Variants in PHF24 observed in about 807,000 individuals in gnomAD.
The protein encoded by PHF24 is Galpha inhibitory interacting protein.
PHF24 carries 25 observed loss-of-function variants against 42.6 expected under a neutral mutation model. The ratio of observed to expected loss-of-function variants is 0.59; its 90% CI spans 0.43 to 0.82. The LOEUF (loss-of-function observed/expected upper bound fraction) is 0.82. Ranked by LOEUF, PHF24 falls within the 40% of genes least tolerant of loss-of-function variation. PHF24 has a pLI of 0.00. For synonymous variants in PHF24, 185 were observed against 204.8 expected (o/e 0.90, Z 0.83); for missense variants, 470 against 538.1 (o/e 0.87, Z 1.25).
At chr9:34,900,302 A>G in the PHF24 span, among the ~76,000 whole-genome samples, 1 of 152,224 alleles carries the variant, frequency 6.6e-6, no homozygotes, top group South Asian at 2.1e-4. Context: ...TTAAAGGACA[A>G]TCAATTAATG....
the PHF24 span, among the ~76,000 whole-genome samples, chr9:34,949,432 CAG>C: frequency 6.6e-6 from 1 of 152,188 alleles, no homozygotes; most frequent in African/African-American, 2.4e-5. Flanking sequence ...CTGTGGAAGA[CAG>C]TGTGCTGATT....
At chr9:34,694,433 C>T in the PHF24 span, among the ~76,000 whole-genome samples, 32 of 151,952 alleles carry the variant, frequency 2.1e-4, no homozygotes, top group South Asian at 2.3e-3. Flanking sequence ...TGGGTTCAAG[C>T]GATTCTGCTG....
At chr9:34,862,346 C>T in the PHF24 span, among the ~76,000 whole-genome samples, 3 of 152,108 alleles carry the variant, frequency 2.0e-5, no homozygotes, top group Non-Finnish European at 2.9e-5. Flanking sequence ...CTTGCACCAC[C>T]CCTCCACAAC....
At chr9:34,810,618 TCTGA>T in the PHF24 span, among the ~76,000 whole-genome samples, 1 of 152,176 alleles carries the variant, frequency 6.6e-6, no homozygotes, top group South Asian at 2.1e-4. Context: ...GGAAGCAACC[TCTGA>T]CTGGGGAGGG....
At chr9:34,936,770 G>A in the PHF24 span, among the ~76,000 whole-genome samples, 1 of 150,968 alleles carries the variant, frequency 6.6e-6, no homozygotes, top group Admixed American at 6.6e-5. Context: ...GACCCCGTCT[G>A]GGAGGTGAGG....
chr9:34,917,123 C>A, the PHF24 span: 1 of 841,896 alleles, frequency 1.2e-6, no homozygotes, highest in South Asian at 1.3e-5. Flanking sequence ...ACCTCGCTCT[C>A]GCGGCCTACC....
At chr9:34,935,353 G>A in the PHF24 span, among the ~76,000 whole-genome samples, 1 of 152,172 alleles carries the variant, frequency 6.6e-6, no homozygotes, top group Non-Finnish European at 1.5e-5. Flanking sequence ...CAGCACTCTG[G>A]GAGGCTGAGG....
the PHF24 span, among the ~76,000 whole-genome samples, chr9:34,686,091 C>A: frequency 6.6e-6 from 1 of 152,218 alleles, no homozygotes; most frequent in Non-Finnish European, 1.5e-5. Context: ...TTAGCTAATA[C>A]TCAGAGCCAT....
the PHF24 span, among the ~76,000 whole-genome samples, chr9:34,704,889 T>G: frequency 1.3e-5 from 2 of 152,196 alleles, no homozygotes; most frequent in East Asian, 1.9e-4. Context: ...ATTTTCTGGA[T>G]GACACTGAGG....
chr9:34,749,272 A>T, the PHF24 span, among the ~76,000 whole-genome samples: 2 of 152,184 alleles, frequency 1.3e-5, no homozygotes, highest in African/African-American at 4.8e-5. Flanking sequence ...GGCGATAGAG[A>T]GATACATATA....
the PHF24 span, among the ~76,000 whole-genome samples, chr9:34,784,292 A>G: frequency 7.3e-6 from 1 of 137,312 alleles, no homozygotes; most frequent in East Asian, 2.9e-4. Flanking sequence ...TATGCTTTCA[A>G]CTTGTTAGTG....
At chr9:34,669,430 A>T in the PHF24 span, among the ~76,000 whole-genome samples, 1 of 151,958 alleles carries the variant, frequency 6.6e-6, no homozygotes, top group Non-Finnish European at 1.5e-5. Flanking sequence ...TGCCACACAC[A>T]CAAGAGGCCA....
the PHF24 span, among the ~76,000 whole-genome samples, chr9:34,719,576 C>T: frequency 6.6e-6 from 1 of 152,236 alleles, no homozygotes; most frequent in Non-Finnish European, 1.5e-5. Context: ...TCTTTGCCCC[C>T]AGTTCTGTCA....
chr9:34,711,919 C>A, the PHF24 span, among the ~76,000 whole-genome samples: 6 of 152,132 alleles, frequency 3.9e-5, no homozygotes, highest in Middle Eastern at 6.8e-3. Flanking sequence ...CCTTTTGTTT[C>A]ATTCTGAAGG....
chr9:34,822,544 T>A, the PHF24 span, among the ~76,000 whole-genome samples: 7 of 152,360 alleles, frequency 4.6e-5, no homozygotes, highest in Admixed American at 1.3e-4. Context: ...CAGTCATTTC[T>A]CATTCCGTAC....
chr9:34,973,713 C>T (rs1478522071), intron 3 of PHF24, among the ~76,000 whole-genome samples: 1 of 152,304 alleles, frequency 6.6e-6, no homozygotes, highest in East Asian at 1.9e-4. Flanking sequence ...AACACCTGTC[C>T]CCATGGAGTA....
At chr9:34,670,942 A>T in the PHF24 span, among the ~76,000 whole-genome samples, 1 of 152,170 alleles carries the variant, frequency 6.6e-6, no homozygotes, top group African/African-American at 2.4e-5. Flanking sequence ...CACAGTGCCT[A>T]TATATCCACC....
chr9:34,938,508 A>G, the PHF24 span, among the ~76,000 whole-genome samples: 4 of 152,232 alleles, frequency 2.6e-5, no homozygotes, highest in African/African-American at 9.6e-5. Context: ...ATCTAGGCAC[A>G]TGGTTATATC....
chr9:34,861,239 G>C, the PHF24 span, among the ~76,000 whole-genome samples: 1 of 152,182 alleles, frequency 6.6e-6, no homozygotes, highest in Non-Finnish European at 1.5e-5. Flanking sequence ...GTTTCACAGT[G>C]CTGCTAGAGT....
Sources: gnomAD v4.1 joint callset for allele counts (sites outside exome capture counted in the v4.1 genomes callset) on GRCh38, gnomAD v4.1.1 for gene constraint, MANE v1.5 for transcripts, NCBI Gene and HGNC (gene_info 2026-07-23, HGNC 2026-07-21) for gene names.